SAMD11: variants seen among roughly 807,000 people sequenced by gnomAD.
SAMD11 encodes sterile alpha motif domain-containing protein 11.
In SAMD11, 77 loss-of-function variants were observed where a neutral mutation model predicts 64.4. The observed-to-expected ratio is 1.20, with a 90% confidence interval of 0.99 to 1.44. The LOEUF is 1.44. Ranked by LOEUF, SAMD11 falls within the 40% of genes most tolerant of loss-of-function variation. The probability of loss-of-function intolerance (pLI) is 0.00; values close to 1 mark genes in which losing one functional copy is unlikely to be tolerated. For synonymous variants in SAMD11, 658 were observed against 421.9 expected, an observed-to-expected ratio of 1.56 and a Z score of -6.86; for missense variants, 1,402 against 943.3, an observed-to-expected ratio of 1.49 and a Z score of -6.37.
At chr1:938,921 T>G in intron 5 of SAMD11, 119 bp from the exon 6 acceptor site, 2 of 877,770 alleles carry the variant, frequency 2.3e-6, no homozygotes, top group Non-Finnish European at 3.7e-6. Flanking sequence ...AGGCCTGTAC[T>G]CACCAGGACC....
At chr1:931,017 C>T in intron 3 of SAMD11, 22 bp from the exon 4 acceptor site, 1 of 1,611,372 alleles carries the variant, frequency 6.2e-7, no homozygotes, top group Non-Finnish European at 8.5e-7. Flanking sequence ...GCAACATGGA[C>T]CTTCTGCTTC....
intron 6 of SAMD11, 67 bp from the exon 7 acceptor site, chr1:939,208 C>T (rs548797098): frequency 1.9e-6 from 3 of 1,552,038 alleles, no homozygotes; most frequent in East Asian, 4.8e-5. Context: ...CTCGAGCAGG[C>T]ACTCTAGAGG....
intron 5 of SAMD11, among the ~76,000 whole-genome samples, chr1:936,656 C>G (rs1326078114): frequency 6.6e-6 from 1 of 152,058 alleles, no homozygotes; most frequent in African/African-American, 2.4e-5. Context: ...GGGGTGTTCC[C>G]AGCAGGGCCT....
rs1641876866 is a variant in SAMD11, at chr1:942,903, A to G, written c.1898A>G (p.Asp633Gly). 1 of 1,555,328 alleles carries G rather than the reference A, an allele frequency of 6.4e-7. No homozygotes were observed. The highest frequency in any genetic ancestry group is 8.7e-7 in the Non-Finnish European group (1 of 1,149,926). Reference protein sequence around the residue: ...GSEDEPPKDSDGEDPETAAVG... With the variant: ...GSEDEPPKDSGGEDPETAAVG... ...GAAGACGAGCCCCCCAAAGACTCGG[A>G]CGGAGAGGACCCCGAGACGGCAGCT... is the stretch of plus-strand genomic sequence containing the variant. The change falls in exon 11 of 14, where the codon GAC (aspartate) becomes GGC (glycine). Residue 633 changes from aspartate (D) to glycine (G), a missense_variant. Asp to Gly is a moderately conservative substitution (Grantham distance 94). Transcript: ENST00000616016.
At position 942,449 on chromosome 1, in the gene SAMD11, C is replaced by T. The variant is rs774760754; in HGVS notation, c.1514C>T (p.Ala505Val). 2.0e-6 allele frequency: 3 copies of T among 1,488,694 alleles called. No individual in the cohort carries two copies. Among genetic ancestry groups the T allele is most frequent in the South Asian group, 2.5e-5 (2 of 78,956 alleles). 92.2% of individuals were successfully genotyped at this position (1,488,694 alleles called of 1,614,324 possible). A position where few individuals can be genotyped will look rare whatever the true frequency, so the allele number is the denominator to read the frequency against. ...FLPPAQAEMFAWQQELLRKQN... is the reference protein window; with the variant it reads ...FLPPAQAEMFVWQQELLRKQN... ...CCCCCCGCGCAGGCGGAGATGTTCG[C>T]CTGGCAGCAGGAGCTCCTGCGGAAG... is the stretch of plus-strand genomic sequence containing the variant. Residue 505 changes from alanine (A) to valine (V), a missense_variant, in exon 10 of 14, where the codon GCC becomes GTC. By Grantham distance (64) the Ala-to-Val change is moderately conservative (BLOSUM62 0). Transcript: ENST00000616016.
rs1175355435 is a variant in SAMD11 at position 937,575 on chromosome 1, G to A, written c.968-1465G>A. Reference sequence around the variant, plus strand: ...GGTGGCAGGTGTGGAAAAGAGCCAGGTTCCCCCAGCCTTGGCCCACCCCCT... The same window carrying A: ...GGTGGCAGGTGTGGAAAAGAGCCAGATTCCCCCAGCCTTGGCCCACCCCCT... On this transcript the variant is annotated intron_variant, in intron 5 of 13. Transcript: ENST00000616016. 6.6e-5 allele frequency among the ~76,000 whole-genome samples: 10 copies of A among 152,328 alleles called. No individual in the cohort carries two copies. The East Asian group carries it at 1.9e-3, about 29-fold the overall frequency.
intron 5 of SAMD11, among the ~76,000 whole-genome samples, 198 bp downstream of exon 5, chr1:936,094 C>A (rs927565928): frequency 6.6e-6 from 1 of 152,244 alleles, no homozygotes; most frequent in Admixed American, 6.5e-5. Context: ...GGTGGCTCCG[C>A]TGTGGCTGCC....
In SAMD11 at chr1:944,057, G is replaced by C. The variant is rs771850072; in HGVS notation, c.2439G>C (p.Gly813=). 11 of 1,612,708 alleles carry C rather than the reference G, an allele frequency of 6.8e-6. No homozygotes were observed. The highest frequency in any genetic ancestry group is 1.7e-5 in the Admixed American group (1 of 60,014). Reference sequence around the variant, plus strand: ...CGACGGCCACGTCCCCCTATGGAGGGGGCCACGCCCTTGCCGGTCAAACTT... The same window carrying C: ...CGACGGCCACGTCCCCCTATGGAGGCGGCCACGCCCTTGCCGGTCAAACTT... ...SPTTATSPYG[G]GHALAGQTSP... Residue 813 remains glycine, a synonymous_variant, in exon 14 of 14, where the codon GGG becomes GGC. Coordinates refer to ENST00000616016, the MANE Select transcript of SAMD11 (RefSeq NM_001385641.1).
At chr1:926,101 T>A in intron 2 of SAMD11, 88 bp downstream of exon 2, 1 of 1,289,806 alleles carries the variant, frequency 7.8e-7, no homozygotes, top group South Asian at 1.2e-5. Context: ...GGATCGAGAG[T>A]CCTAACCTCA....
In SAMD11 at chr1:944,125, C is replaced by T. The variant is rs1454966583; in HGVS notation, c.2507C>T (p.Ala836Val). Residue 836 changes from alanine to valine, a missense_variant, in exon 14 of 14, where the codon GCC becomes GTC. Transcript: ENST00000616016. The stretch of plus-strand genomic sequence containing the variant: ...GGGACCTTGGCTCTACTTCCAGGGG[C>T]CCCCGACCCTTCCCAGCCTCTGTGT... ...ENGTLALLPG[A>V]PDPSQPLC 3.1e-6 allele frequency: 5 copies of T among 1,591,618 alleles called. No individual in the cohort carries two copies. Among genetic ancestry groups the T allele is most frequent in the Non-Finnish European group, 4.3e-6 (5 of 1,167,552 alleles).
Position 930,354 on chromosome 1 carries a change from G to T in SAMD11, c.791+18G>T, listed in dbSNP as rs201326364. 42 of 1,585,444 alleles carry T rather than the reference G, an allele frequency of 2.6e-5. No individual in the cohort carries two copies. The highest frequency in any genetic ancestry group is 5.4e-5 in the African/African-American group (4 of 74,472). ...AAGAGAAGGTACTTGGACCAGGGCC[G>T]GACAGGAAGGCGCAAGGCTCAGATG... On this transcript the variant is annotated intron_variant, in intron 3 of 13. Coordinates refer to ENST00000616016, the MANE Select transcript of SAMD11 (RefSeq NM_001385641.1).
chr1:943,896 A>G lies in SAMD11; in HGVS notation c.2290-12A>G, dbSNP rs115454328. 3.2e-3 allele frequency: 5,114 copies of G among 1,612,926 alleles called. 133 individuals carry two copies. In the African/African-American group the frequency reaches 0.053, roughly 17 times the overall value. On this transcript the variant is annotated splice_polypyrimidine_tract_variant and intron_variant, in intron 13 of 13. Coordinates refer to ENST00000616016, the MANE Select transcript of SAMD11 (RefSeq NM_001385641.1). ...GGTGTGCGACAGCCCCCACCAGGCCATCTCTCTGCAGGTGGCCAGGCGCCT... is the reference window on the plus strand; with the variant it reads ...GGTGTGCGACAGCCCCCACCAGGCCGTCTCTCTGCAGGTGGCCAGGCGCCT...
rs1557604906 is a variant in SAMD11, at chr1:935,907, C to CA, written c.967+12dup. 6.2e-7 allele frequency: 1 copy of CA among 1,612,024 alleles called. No homozygotes were observed. The highest frequency in any genetic ancestry group is 1.1e-5 in the South Asian group (1 of 91,028). On this transcript the variant is annotated intron_variant, in intron 5 of 13. Coordinates refer to ENST00000616016, the MANE Select transcript of SAMD11 (RefSeq NM_001385641.1). ...GCCTGCGACCCGCCGGTGAGGAGCACAGGGGGCCTGAGGGCGGGGTCGGGG... is the reference window on the plus strand; with the variant it reads ...GCCTGCGACCCGCCGGTGAGGAGCACAAGGGGGCCTGAGGGCGGGGTCGGGG...
chr1:931,924 G>A (rs1641186109), intron 4 of SAMD11, among the ~76,000 whole-genome samples: 1 of 152,196 alleles, frequency 6.6e-6, no homozygotes, highest in Non-Finnish European at 1.5e-5. Context: ...AATGGGGTCA[G>A]GTCTCACCCT....
chr1:942,864 C>A lies in SAMD11; in HGVS notation c.1859C>A (p.Ala620Glu). 3 of 1,553,520 alleles carry A rather than the reference C, an allele frequency of 1.9e-6. No individual in the cohort carries two copies. The highest frequency in any genetic ancestry group is 2.6e-6 in the Non-Finnish European group (3 of 1,148,622). Residue 620 changes from alanine (A) to glutamate (E), a missense_variant, in exon 11 of 14, where the codon GCA becomes GAA. Transcript: ENST00000616016. Reference sequence around the variant, plus strand: ...GAGATGACGGGGGCTAGGCTCTGGGCACAAGATGGCTCGGAAGACGAGCCC... The same window carrying A: ...GAGATGACGGGGGCTAGGCTCTGGGAACAAGATGGCTCGGAAGACGAGCCC... ...SKEMTGARLWAQDGSEDEPPK... is the reference protein window; with the variant it reads ...SKEMTGARLWEQDGSEDEPPK...
chr1:925,299 T>A (rs1378904758), intron 1 of SAMD11: 1 of 150,914 alleles, frequency 6.6e-6, no homozygotes, highest in African/African-American at 2.5e-5. Context: ...CGGGGGAGAC[T>A]GGAGGGGCGC....
Position 936,063 on chromosome 1 carries a change from GGGCAGACAGGA to G in SAMD11, c.967+174_967+184del, listed in dbSNP as rs1027748277. On this transcript the variant is annotated intron_variant, in intron 5 of 13. Transcript: ENST00000616016. ...GTAATTGTGTTAATCCCAGCCAGCG[GGGCAGACAGGA>G]GGCAGAGGCGGTGGCTCCGCTGTGG... is the stretch of plus-strand genomic sequence containing the variant. Among the ~76,000 whole-genome samples the G allele has an allele frequency of 6.6e-5, 10 of 152,352 alleles. No individual in the cohort carries two copies. In the South Asian group the frequency reaches 1.0e-3, roughly 16 times the overall value.
chr1:929,210 G>A (rs761851965), intron 2 of SAMD11, among the ~76,000 whole-genome samples: 5 of 152,242 alleles, frequency 3.3e-5, no homozygotes, highest in African/African-American at 7.2e-5. Flanking sequence ...CACGTCCGCC[G>A]CGTGTGTGCG....
At chr1:932,949 A>C (rs2341359) in intron 4 of SAMD11, among the ~76,000 whole-genome samples, 148,277 of 152,338 alleles carry the variant, frequency 0.97, 72,291 homozygotes, top group Middle Eastern at 1. Flanking sequence ...GTGGTCATCA[A>C]TGAGGGGCGG....
Sources: allele counts gnomAD v4.1 joint callset (sites outside exome capture counted in the v4.1 genomes callset), GRCh38; gene constraint gnomAD v4.1.1; transcripts MANE v1.5; gene names NCBI Gene and HGNC (gene_info 2026-07-23, HGNC 2026-07-21).